The following YWHAG variants were observed in gnomAD, a reference collection of about 807,000 sequenced individuals.
The protein encoded by YWHAG is 14-3-3 protein gamma.
In YWHAG, 1 loss-of-function variant was observed where a neutral mutation model predicts 23.3. The ratio of observed to expected loss-of-function variants is 0.04; its 90% CI spans 0.02 to 0.20. The LOEUF is 0.20. Among genes scored for constraint, YWHAG ranks in the 10% least tolerant of loss-of-function variants. The pLI, the probability that YWHAG is intolerant of heterozygous loss-of-function variation, is 1.00. For synonymous variants in YWHAG, 160 were observed against 144.0 expected (o/e 1.11, Z -0.80); for missense variants, 151 against 338.6 (o/e 0.45, Z 4.35).
intron 1 of YWHAG, among the ~76,000 whole-genome samples, chr7:76,333,973 T>C (rs1327064127): frequency 2.0e-5 from 3 of 152,250 alleles, no homozygotes; most frequent in East Asian, 1.9e-4. Context: ...TCTGTACTTA[T>C]GTAAAGTCTG....
rs1405634655 is a variant in YWHAG at position 76,329,053 on chromosome 7, A to ATTT, written c.*523_*524insAAA. The ATTT allele has an allele frequency of 6.5e-6, 1 of 154,022 alleles. No individual in the cohort carries two copies. Among genetic ancestry groups the ATTT allele is most frequent in the African/African-American group, 2.4e-5 (1 of 41,376 alleles). The allele number at this position is 154,022 out of a possible 1,614,324, so 9.5% of individuals were successfully genotyped here. On this transcript the variant is annotated 3_prime_UTR_variant, in exon 2 of 2. Coordinates refer to ENST00000307630, the MANE Select transcript of YWHAG (RefSeq NM_012479.4). The surrounding 1 kb of genome is among the most constrained non-coding windows in gnomAD (Gnocchi z 6.1). ...ACTTCGGAAAACTGGCAAGGCCTAA[A>ATTT]CCATAAGGATGAATGAGACCTCAGG...
Position 76,348,265 on chromosome 7 carries a change from G to GT in YWHAG, c.87+10456dup, listed in dbSNP as rs201085040. On this transcript the variant is annotated intron_variant, in intron 1 of 1. Coordinates refer to ENST00000307630, the MANE Select transcript of YWHAG (RefSeq NM_012479.4). ...ACTTAAAACAAGAGCCTTAGACTTC[G>GT]TTTTTTTTTTTTTTTTTTGGAGATA... is the stretch of plus-strand genomic sequence containing the variant. 2.9e-3 allele frequency among the ~76,000 whole-genome samples: 373 copies of GT among 127,354 alleles called. 2 individuals carry two copies. Among genetic ancestry groups the GT allele is most frequent in the Non-Finnish European group, 4.0e-3 (242 of 60,876 alleles). 83.5% of individuals were successfully genotyped at this position (127,354 alleles called of 152,430 possible). A position where few individuals can be genotyped will look rare whatever the true frequency, so the allele number is the denominator to read the frequency against.
At chr7:76,352,190 C>G (rs1226786130) in intron 1 of YWHAG, among the ~76,000 whole-genome samples, 3 of 152,310 alleles carry the variant, frequency 2.0e-5, no homozygotes, top group South Asian at 2.1e-4. Flanking sequence ...TTTCCCAGAT[C>G]TGGGTTTTTT....
At chr7:76,348,254 C>G (rs10258067) in intron 1 of YWHAG, among the ~76,000 whole-genome samples, 4,385 of 146,644 alleles carry the variant, frequency 0.03, 125 homozygotes, top group East Asian at 0.16. Flanking sequence ...AAAACAAGAG[C>G]CTTAGACTTC....
chr7:76,349,220 T>C (rs1399334283), intron 1 of YWHAG, among the ~76,000 whole-genome samples: 2 of 151,236 alleles, frequency 1.3e-5, no homozygotes, highest in Non-Finnish European at 2.9e-5. Flanking sequence ...TGGGCGCCTG[T>C]AGTCCCAGCT....
chr7:76,341,404 CAAAAAAAAAAAAAA>C (rs1158151013), intron 1 of YWHAG, among the ~76,000 whole-genome samples: 1 of 44,650 alleles, frequency 2.2e-5, no homozygotes, highest in Non-Finnish European at 4.0e-5. Context: ...ACTCTTGCCT[CAAAAAAAAAAAAAA>C]AAAAAAAAAA....
intron 1 of YWHAG, among the ~76,000 whole-genome samples, chr7:76,348,565 G>C (rs1395448733): frequency 6.6e-6 from 1 of 151,758 alleles, no homozygotes; most frequent in African/African-American, 2.4e-5. Flanking sequence ...CACCACGCCC[G>C]ACTAATTTTT....
intron 1 of YWHAG, among the ~76,000 whole-genome samples, chr7:76,342,515 C>G (rs1257726222): frequency 6.6e-6 from 1 of 152,210 alleles, no homozygotes; most frequent in Non-Finnish European, 1.5e-5. Context: ...TTCCCTACAA[C>G]TGCCATTCGC....
Position 76,329,607 on chromosome 7 carries a change from C to T in YWHAG, c.714G>A (p.Gln238=). Residue 238 remains glutamine, a synonymous_variant, in exon 2 of 2, where the codon CAG becomes CAA. Transcript: ENST00000307630. This position sits in a 1 kb window ranked among gnomAD's most constrained non-coding sequence, Gnocchi z 6.1. ...DNLTLWTSDQ[Q]DDDGGEGNN is the part of the protein sequence containing the mutation. Reference sequence around the variant, plus strand: ...TGTTGCCTTCGCCGCCATCGTCGTCCTGCTGGTCGCTCGTCCAGAGCGTGA... The same window carrying T: ...TGTTGCCTTCGCCGCCATCGTCGTCTTGCTGGTCGCTCGTCCAGAGCGTGA... 1.9e-6 allele frequency: 3 copies of T among 1,611,260 alleles called. No homozygotes were observed. Among genetic ancestry groups the T allele is most frequent in the South Asian group, 1.1e-5 (1 of 91,028 alleles).
intron 1 of YWHAG, among the ~76,000 whole-genome samples, chr7:76,355,927 C>T (rs893511127): frequency 2.0e-5 from 3 of 152,212 alleles, no homozygotes; most frequent in East Asian, 3.8e-4. Flanking sequence ...GTTCACTCTC[C>T]TTCAATACAA....
chr7:76,327,685 C>T lies in YWHAG; in HGVS notation c.*1892G>A, dbSNP rs1265445026. Reference sequence around the variant, plus strand: ...CCTACCCTGCCCCCCCCCCCCTCCCCCCCCAAATCGTCTTCCTCCCATGGC... The same window carrying T: ...CCTACCCTGCCCCCCCCCCCCTCCCTCCCCAAATCGTCTTCCTCCCATGGC... On this transcript the variant is annotated 3_prime_UTR_variant, in exon 2 of 2. Transcript: ENST00000307630. The T allele has an allele frequency of 3.9e-4, 46 of 117,998 alleles. 1 individual carries two copies. The highest frequency in any genetic ancestry group is 1.5e-3 in the African/African-American group (45 of 29,450). The allele number at this position is 117,998 out of a possible 1,614,324, so 7.3% of individuals were successfully genotyped here.
chr7:76,358,854 C>T lies in YWHAG; in HGVS notation c.-46G>A. The T allele has an allele frequency of 1.0e-5, 16 of 1,553,700 alleles. No homozygotes were observed. Among genetic ancestry groups the T allele is most frequent in the Non-Finnish European group, 1.4e-5 (16 of 1,146,932 alleles). On this transcript the variant is annotated 5_prime_UTR_variant, in exon 1 of 2. Transcript: ENST00000307630. ...CCGGAGAAGGAGGAGGACACTGGGGCGGCCTGAAGGGCTTGGAGGGCGCGA... is the reference window on the plus strand; with the variant it reads ...CCGGAGAAGGAGGAGGACACTGGGGTGGCCTGAAGGGCTTGGAGGGCGCGA...
intron 1 of YWHAG, among the ~76,000 whole-genome samples, chr7:76,339,114 T>C (rs1803656006): frequency 6.6e-6 from 1 of 152,248 alleles, no homozygotes; most frequent in Admixed American, 6.5e-5. Context: ...TTTATGGATG[T>C]ATACAACAAA....
At chr7:76,354,902 A>T (rs945001941) in intron 1 of YWHAG, among the ~76,000 whole-genome samples, 1 of 152,236 alleles carries the variant, frequency 6.6e-6, no homozygotes, top group Non-Finnish European at 1.5e-5. Context: ...TTCAAGTTCC[A>T]TAACTTTTTA....
intron 1 of YWHAG, among the ~76,000 whole-genome samples, chr7:76,335,349 C>A (rs2109856): frequency 0.027 from 4,121 of 152,274 alleles, 199 homozygotes; most frequent in African/African-American, 0.093. Flanking sequence ...AGCCACCGCG[C>A]CCGGCCTCAA....
At chr7:76,336,451 C>CTTTT (rs35137930) in intron 1 of YWHAG, among the ~76,000 whole-genome samples, 4 of 116,698 alleles carry the variant, frequency 3.4e-5, no homozygotes, top group Admixed American at 8.9e-5. Context: ...GAAAGTCTGG[C>CTTTT]TTTTTTTTTT....
At chr7:76,349,761 C>T (rs1009589447) in intron 1 of YWHAG, among the ~76,000 whole-genome samples, 11 of 152,110 alleles carry the variant, frequency 7.2e-5, no homozygotes, top group Non-Finnish European at 1.5e-4. Context: ...AAAAACATGC[C>T]TGCAGGTGGA....
At chr7:76,334,727 TA>T (rs562043163) in intron 1 of YWHAG, among the ~76,000 whole-genome samples, 80 of 138,552 alleles carry the variant, frequency 5.8e-4, no homozygotes, top group Admixed American at 6.7e-4. Context: ...TCTTCTTCTT[TA>T]AAAAAAAAAA....
intron 1 of YWHAG, among the ~76,000 whole-genome samples, chr7:76,336,382 G>C (rs553038965): frequency 1.3e-5 from 2 of 152,106 alleles, no homozygotes; most frequent in Admixed American, 1.3e-4. Flanking sequence ...GTGCTTGTGT[G>C]GGGCAGGGGG....
Sources: allele counts gnomAD v4.1 joint callset (sites outside exome capture counted in the v4.1 genomes callset), GRCh38; gene constraint gnomAD v4.1.1; non-coding constraint Gnocchi (gnomAD v3.1); transcripts MANE v1.5; gene names NCBI Gene and HGNC (gene_info 2026-07-23, HGNC 2026-07-21).